The following CEP112 variants were observed in gnomAD, a reference collection of about 807,000 sequenced individuals.
CEP112 encodes centrosomal protein of 112 kDa.
Under a neutral mutation model 153.0 loss-of-function variants are expected in CEP112, and 127 were observed. The observed-to-expected ratio is 0.83, with a 90% CI of 0.72 to 0.96. The LOEUF (loss-of-function observed/expected upper bound fraction) is 0.96, where lower values mean the gene tolerates loss of function less well. Ranked by LOEUF, CEP112 falls within the 40% of genes least tolerant of loss-of-function variation. The pLI, the probability that CEP112 is intolerant of heterozygous loss-of-function variation, is 0.00. For missense variants in CEP112, 1,089 were observed against 1,101.2 expected, an observed-to-expected ratio of 0.99 and a Z score of 0.16; for synonymous variants, 358 against 374.4, an observed-to-expected ratio of 0.96 and a Z score of 0.51.
In CEP112 at chr17:66,132,735, CT is replaced by C. The variant is rs1278955273; in HGVS notation, c.498del (p.Val167Ter). ...GTTGGACTCAAGGAGTGTGATCTCA[CT>C]CGGAGCTTCCCAGTGTACTGTTCCC... The part of the protein sequence containing the change: ...YSREQYTGKL[R>X]VRSHSLSPTH... On this transcript the variant is annotated frameshift_variant, in exon 5 of 27. Coordinates refer to ENST00000535342, the MANE Select transcript of CEP112 (RefSeq NM_001199165.4). LOFTEE classifies it high-confidence loss of function. 1 of 1,613,920 alleles carries C rather than the reference CT, an allele frequency of 6.2e-7. No homozygotes were observed. Among genetic ancestry groups the C allele is most frequent in the African/African-American group, 1.3e-5 (1 of 75,044 alleles).
intron 18 of CEP112, among the ~76,000 whole-genome samples, chr17:65,936,398 G>A (rs974996339): frequency 6.6e-5 from 10 of 151,930 alleles, no homozygotes; most frequent in Non-Finnish European, 1.2e-4. Context: ...TGAAGTAGAG[G>A]GAATATTTCC....
At chr17:65,917,400 A>G (rs1264724858) in intron 19 of CEP112, among the ~76,000 whole-genome samples, 1 of 152,298 alleles carries the variant, frequency 6.6e-6, no homozygotes, top group East Asian at 1.9e-4. Flanking sequence ...GAAATCAATA[A>G]GTCATATGGT....
At chr17:66,087,838 G>A (rs2067997011) in intron 8 of CEP112, among the ~76,000 whole-genome samples, 1 of 152,052 alleles carries the variant, frequency 6.6e-6, no homozygotes, top group African/African-American at 2.4e-5. Context: ...TGGGAGGAGG[G>A]AAGAAAGGTG....
chr17:65,743,886 C>T (rs1269342525), intron 22 of CEP112, among the ~76,000 whole-genome samples: 2 of 151,292 alleles, frequency 1.3e-5, no homozygotes, highest in South Asian at 4.2e-4. Flanking sequence ...TTCAGCCTCC[C>T]GAGTAGCTGG....
chr17:66,188,134 G>A (rs1401035497), intron 1 of CEP112, among the ~76,000 whole-genome samples: 1 of 151,912 alleles, frequency 6.6e-6, no homozygotes, highest in African/African-American at 2.4e-5. Context: ...TTCCTCACCT[G>A]CTCCAGAATG....
intron 23 of CEP112, among the ~76,000 whole-genome samples, chr17:65,738,786 T>C (rs1284739881): frequency 6.6e-6 from 1 of 152,246 alleles, no homozygotes; most frequent in Non-Finnish European, 1.5e-5. Flanking sequence ...TATAGATATT[T>C]TCCTCTTTGT....
At chr17:66,125,354 G>A (rs1052582503) in intron 6 of CEP112, among the ~76,000 whole-genome samples, 53 of 152,118 alleles carry the variant, frequency 3.5e-4, no homozygotes, top group African/African-American at 1.2e-3. Flanking sequence ...AGACCATTGC[G>A]TAGTATGAAA....
At chr17:66,176,148 G>T (rs1233143186) in intron 3 of CEP112, among the ~76,000 whole-genome samples, 8 of 152,152 alleles carry the variant, frequency 5.3e-5, no homozygotes, top group Non-Finnish European at 1.2e-4. Flanking sequence ...TAAAATACAT[G>T]ACACAAGAAT....
chr17:65,881,919 A>G (rs34148933), intron 20 of CEP112, among the ~76,000 whole-genome samples: 4,433 of 152,340 alleles, frequency 0.029, 104 homozygotes, highest in Middle Eastern at 0.065. Context: ...TCACTGCGGA[A>G]TCAGTAGCAC....
rs201105167 is a variant in CEP112 at position 66,176,939 on chromosome 17, C to T, written c.188G>A (p.Arg63Gln). The T allele has an allele frequency of 2.3e-5, 37 of 1,613,904 alleles. No homozygotes were observed. The Admixed American group carries it at 3.5e-4, about 15-fold the overall frequency. Residue 63 changes from arginine (R) to glutamine (Q), a missense_variant, in exon 3 of 27, where the codon CGG (arginine) becomes CAG (glutamine). Physicochemically the swap from Arg to Gln is conservative, Grantham distance 43. Coordinates refer to ENST00000535342, the MANE Select transcript of CEP112 (RefSeq NM_001199165.4). ...CAATAACAATTTTGCATACAGGTTC[C>T]GATTCTTCCTCCCCATTATTCCTGC... ...TGAGIMGRKNRNLYAKLLLHM... is the reference protein window; with the variant it reads ...TGAGIMGRKNQNLYAKLLLHM...
At chr17:65,717,209 C>G (rs1039474471) in intron 23 of CEP112, among the ~76,000 whole-genome samples, 3 of 152,166 alleles carry the variant, frequency 2.0e-5, no homozygotes, top group Admixed American at 1.3e-4. Flanking sequence ...ATCACACTTA[C>G]AAGTCTTTGC....
chr17:66,049,665 C>T (rs2102842), intron 12 of CEP112, among the ~76,000 whole-genome samples: 62,483 of 152,044 alleles, frequency 0.41, 14,307 homozygotes, highest in East Asian at 0.87. Context: ...GCAGGAGAAC[C>T]GATTGAAGCC....
intron 20 of CEP112, among the ~76,000 whole-genome samples, chr17:65,884,809 C>T (rs2059217708): frequency 6.6e-6 from 1 of 150,976 alleles, no homozygotes; most frequent in Admixed American, 6.6e-5. Flanking sequence ...CCTCCGCCTC[C>T]TGGGTTCAAG....
chr17:65,724,624 C>T (rs2050075859), intron 23 of CEP112, among the ~76,000 whole-genome samples: 1 of 152,148 alleles, frequency 6.6e-6, no homozygotes, highest in Admixed American at 6.5e-5. Context: ...AATGTTTACA[C>T]ACATGTACAA....
chr17:65,941,209 C>G (rs2061496429), intron 18 of CEP112, among the ~76,000 whole-genome samples: 1 of 151,766 alleles, frequency 6.6e-6, no homozygotes, highest in South Asian at 2.1e-4. Flanking sequence ...GTTTCTTTTA[C>G]TTTGGGCAAG....
At chr17:66,005,920 A>G (rs2064254498) in intron 16 of CEP112, 151 bp from the exon 17 acceptor site, 1 of 574,416 alleles carries the variant, frequency 1.7e-6, no homozygotes, top group South Asian at 3.0e-5. Context: ...CTACCATAGA[A>G]TGATTTCAAT....
chr17:66,046,414 T>C (rs958111143), intron 12 of CEP112, among the ~76,000 whole-genome samples: 1 of 152,152 alleles, frequency 6.6e-6, no homozygotes, highest in Non-Finnish European at 1.5e-5. Context: ...TAAAAATGGG[T>C]CCCAAATTTG....
chr17:65,808,646 C>A (rs1483014908), intron 21 of CEP112, among the ~76,000 whole-genome samples: 1 of 152,024 alleles, frequency 6.6e-6, no homozygotes, highest in Non-Finnish European at 1.5e-5. Context: ...ATAGCACTTC[C>A]CCCTTCTCTC....
At chr17:65,976,091 G>C (rs909255784) in intron 17 of CEP112, among the ~76,000 whole-genome samples, 1 of 152,182 alleles carries the variant, frequency 6.6e-6, no homozygotes, top group Non-Finnish European at 1.5e-5. Flanking sequence ...CCATGGACTC[G>C]GACAAGCAAG....
Sources: allele counts gnomAD v4.1 joint callset (sites outside exome capture counted in the v4.1 genomes callset), GRCh38; gene constraint gnomAD v4.1.1; transcripts MANE v1.5; gene names NCBI Gene and HGNC (gene_info 2026-07-23, HGNC 2026-07-21).